PTPRD: variants seen among roughly 807,000 people sequenced by gnomAD.
PTPRD encodes the protein receptor-type tyrosine-protein phosphatase delta.
In PTPRD, 34 loss-of-function variants were observed where a neutral mutation model predicts 214.5. That is an observed-to-expected ratio of 0.16 (90% CI 0.12 to 0.21). PTPRD has a LOEUF of 0.21. PTPRD is among the 10% of genes least tolerant of loss of function. The pLI, the probability that PTPRD is intolerant of heterozygous loss-of-function variation, is 1.00. For missense variants in PTPRD, 2,545 were observed against 2,398.7 expected (o/e 1.06, Z -1.27); for synonymous variants, 1,128 against 845.7 (o/e 1.33, Z -5.79).
rs71317377 is a variant in PTPRD at position 8,837,496 on chromosome 9, TTTTTGTTTTG to T, written c.-103-103560_-103-103551del. 4.6e-5 allele frequency among the ~76,000 whole-genome samples: 7 copies of T among 151,162 alleles called. No individual in the cohort carries two copies. The South Asian group carries it at 1.3e-3, about 27-fold the overall frequency. On this transcript the variant is annotated intron_variant, in intron 11 of 45. Coordinates refer to ENST00000381196, the MANE Select transcript of PTPRD (RefSeq NM_002839.4). ...AGACTAATCTCCTTTTCTCTTCCTT[TTTTTGTTTTG>T]TTTTGTTTTGTTTTGAGAAGAGGTC...
chr9:9,112,498 CT>C (rs2099807443), intron 10 of PTPRD, among the ~76,000 whole-genome samples: 2 of 152,108 alleles, frequency 1.3e-5, no homozygotes. Flanking sequence ...AAACACTGGC[CT>C]TGAGAAAATT....
At chr9:8,988,810 T>C (rs573783220) in intron 11 of PTPRD, among the ~76,000 whole-genome samples, 1 of 152,214 alleles carries the variant, frequency 6.6e-6, no homozygotes, top group East Asian at 1.9e-4. Flanking sequence ...TGTGCTTTTC[T>C]CTTGAAAACA....
intron 2 of PTPRD, among the ~76,000 whole-genome samples, chr9:10,468,407 A>G (rs879421574): frequency 9.2e-5 from 14 of 152,128 alleles, no homozygotes; most frequent in Non-Finnish European, 1.0e-4. Context: ...GGAATAGAAA[A>G]CCAAACACCA....
intron 8 of PTPRD, among the ~76,000 whole-genome samples, chr9:9,556,385 C>T (rs564501472): frequency 5.3e-5 from 8 of 152,028 alleles, no homozygotes; most frequent in African/African-American, 9.6e-5. Context: ...GAAGGAGGCA[C>T]GTTTGGTGTA....
chr9:9,891,374 CTTT>C (rs35668805), intron 5 of PTPRD, among the ~76,000 whole-genome samples: 10 of 141,966 alleles, frequency 7.0e-5, no homozygotes, highest in African/African-American at 1.5e-4. Flanking sequence ...AAAACATACA[CTTT>C]TTTTTTTTTT....
chr9:8,442,741 T>C (rs1291820184), intron 34 of PTPRD, among the ~76,000 whole-genome samples: 2 of 152,192 alleles, frequency 1.3e-5, no homozygotes, highest in African/African-American at 4.8e-5. Flanking sequence ...TATTTGTTAT[T>C]TGTATCACAA....
intron 3 of PTPRD, among the ~76,000 whole-genome samples, chr9:10,059,281 A>G (rs2097713327): frequency 6.6e-6 from 1 of 152,114 alleles, no homozygotes; most frequent in African/African-American, 2.4e-5. Context: ...TACAACTTCC[A>G]TGTTGCGCAA....
At chr9:8,690,976 G>A (rs1217813156) in intron 12 of PTPRD, among the ~76,000 whole-genome samples, 1 of 152,084 alleles carries the variant, frequency 6.6e-6, no homozygotes, top group African/African-American at 2.4e-5. Context: ...ATCAAGGGAG[G>A]TATTAGTAAA....
intron 8 of PTPRD, among the ~76,000 whole-genome samples, chr9:9,568,043 C>T (rs1410054555): frequency 6.6e-6 from 1 of 151,398 alleles, no homozygotes; most frequent in Non-Finnish European, 1.5e-5. Flanking sequence ...CAAGGACAAA[C>T]CTAAGATAGG....
At chr9:10,229,398 C>G (rs967403467) in intron 3 of PTPRD, among the ~76,000 whole-genome samples, 37 of 152,020 alleles carry the variant, frequency 2.4e-4, no homozygotes, top group Non-Finnish European at 4.7e-4. Context: ...AAGACACATG[C>G]ACACGTATGT....
intron 8 of PTPRD, among the ~76,000 whole-genome samples, chr9:9,488,097 G>T (rs2095735036): frequency 6.6e-6 from 1 of 152,094 alleles, no homozygotes; most frequent in African/African-American, 2.4e-5. Context: ...TGCAGCAGAA[G>T]AAATGGAGAC....
intron 8 of PTPRD, among the ~76,000 whole-genome samples, chr9:9,540,222 G>C (rs529409236): frequency 2.0e-5 from 3 of 151,544 alleles, no homozygotes; most frequent in African/African-American, 7.3e-5. Flanking sequence ...GACAGGATCA[G>C]ATGAGATATG....
intron 8 of PTPRD, among the ~76,000 whole-genome samples, chr9:9,568,504 G>T (rs2085303719): frequency 6.6e-6 from 1 of 151,750 alleles, no homozygotes. Flanking sequence ...CTGAAAATAT[G>T]GACTCTTATT....
chr9:8,457,885 T>C (rs2096262636), intron 33 of PTPRD, among the ~76,000 whole-genome samples: 1 of 152,132 alleles, frequency 6.6e-6, no homozygotes, highest in East Asian at 1.9e-4. Flanking sequence ...GGACTATTTA[T>C]TATGTAATTA....
chr9:8,678,398 T>C (rs1243041828), intron 12 of PTPRD, among the ~76,000 whole-genome samples: 5 of 152,184 alleles, frequency 3.3e-5, no homozygotes, highest in Non-Finnish European at 5.9e-5. Context: ...GCTCTTTTAA[T>C]AGAAGTTTTA....
intron 4 of PTPRD, among the ~76,000 whole-genome samples, chr9:9,964,491 T>C (rs2154029009): frequency 6.6e-6 from 1 of 152,280 alleles, no homozygotes; most frequent in East Asian, 1.9e-4. Flanking sequence ...GGACAATAGT[T>C]TCCTTCGCAG....
intron 2 of PTPRD, among the ~76,000 whole-genome samples, chr9:10,568,315 C>T (rs1260366916): frequency 6.6e-6 from 1 of 152,046 alleles, no homozygotes; most frequent in Non-Finnish European, 1.5e-5. Flanking sequence ...TTTATGGCTG[C>T]ATAGTATTCC....
chr9:10,568,030 T>A (rs2066183092), intron 2 of PTPRD, among the ~76,000 whole-genome samples: 1 of 152,008 alleles, frequency 6.6e-6, no homozygotes. Context: ...GTTTGTTACA[T>A]ATGTATACAT....
intron 3 of PTPRD, among the ~76,000 whole-genome samples, chr9:10,122,200 C>G (rs1461423689): frequency 2.0e-5 from 3 of 151,954 alleles, no homozygotes; most frequent in Non-Finnish European, 4.4e-5. Context: ...CCCAGCTACT[C>G]GGGAGGCTGA....
Sources: allele counts gnomAD v4.1 joint callset (sites outside exome capture counted in the v4.1 genomes callset), GRCh38; gene constraint gnomAD v4.1.1; transcripts MANE v1.5; gene names NCBI Gene and HGNC (gene_info 2026-07-23, HGNC 2026-07-21).